The following TLE4 variants were observed in gnomAD, a reference collection of about 807,000 sequenced individuals.
TLE4 encodes transducin-like enhancer protein 4.
Under a neutral mutation model 92.8 loss-of-function variants are expected in TLE4, and 8 were observed. The ratio of observed to expected loss-of-function variants is 0.09; its 90% CI spans 0.05 to 0.16. The LOEUF is 0.16. Among genes scored for constraint, TLE4 ranks in the 10% least tolerant of loss-of-function variants. The probability of loss-of-function intolerance (pLI) is 1.00; values close to 1 mark genes in which losing one functional copy is unlikely to be tolerated. For synonymous variants in TLE4, 371 were observed against 374.1 expected (o/e 0.99, Z 0.10); for missense variants, 675 against 997.6 (o/e 0.68, Z 4.36).
chr9:79,658,908 CTCAGTAA>C (rs2060135220), intron 8 of TLE4, among the ~76,000 whole-genome samples: 1 of 152,158 alleles, frequency 6.6e-6, no homozygotes, highest in Admixed American at 6.5e-5. Context: ...CTGTTTTCCC[CTCAGTAA>C]TCAGCAATCT....
chr9:79,643,718 C>G (rs1286605549), intron 6 of TLE4, among the ~76,000 whole-genome samples: 2 of 152,162 alleles, frequency 1.3e-5, no homozygotes, highest in African/African-American at 4.8e-5. Flanking sequence ...ACTGGTGAAG[C>G]TAGGTGATCC....
At chr9:79,596,007 A>C (rs559835676) in intron 4 of TLE4, among the ~76,000 whole-genome samples, 1 of 151,618 alleles carries the variant, frequency 6.6e-6, no homozygotes, top group Non-Finnish European at 1.5e-5. Flanking sequence ...CCACCACGCC[A>C]TGCTATTTTT....
intron 8 of TLE4, among the ~76,000 whole-genome samples, chr9:79,654,277 A>ATT (rs571830068): frequency 6.9e-6 from 1 of 145,816 alleles, no homozygotes; most frequent in Non-Finnish European, 1.5e-5. Flanking sequence ...TCAGAATCAG[A>ATT]TTTGTTGACC....
At chr9:79,657,193 C>T (rs566018992) in intron 8 of TLE4, among the ~76,000 whole-genome samples, 1 of 152,294 alleles carries the variant, frequency 6.6e-6, no homozygotes, top group African/African-American at 2.4e-5. Context: ...CTTGGCTGTC[C>T]AGTGACTCCA....
At chr9:79,652,245 G>A (rs2059137217) in intron 6 of TLE4, among the ~76,000 whole-genome samples, 1 of 151,620 alleles carries the variant, frequency 6.6e-6, no homozygotes, top group Admixed American at 6.6e-5. Flanking sequence ...GGAGTGCAGT[G>A]GCACGAACTC....
At chr9:79,708,961 A>G (rs1189806226) in intron 13 of TLE4, among the ~76,000 whole-genome samples, 175 bp downstream of exon 13, 1 of 152,122 alleles carries the variant, frequency 6.6e-6, no homozygotes, top group African/African-American at 2.4e-5. Flanking sequence ...CCTCTCAAGT[A>G]GCTCGAAAAA....
intron 4 of TLE4, among the ~76,000 whole-genome samples, chr9:79,583,543 C>G (rs1287173903): frequency 1.3e-5 from 2 of 152,180 alleles, no homozygotes; most frequent in East Asian, 1.9e-4. Context: ...GGCCCTGTTG[C>G]TTGCAGCAAC....
At chr9:79,672,348 T>C (rs2062550233) in intron 8 of TLE4, among the ~76,000 whole-genome samples, 1 of 152,124 alleles carries the variant, frequency 6.6e-6, no homozygotes, top group South Asian at 2.1e-4. Context: ...AGTTTCCCAC[T>C]GTGGGCGGGC....
intron 11 of TLE4, among the ~76,000 whole-genome samples, chr9:79,707,767 A>G (rs2072088132): frequency 6.6e-6 from 1 of 152,180 alleles, no homozygotes; most frequent in African/African-American, 2.4e-5. Flanking sequence ...TGTGACATGA[A>G]CAATCTGCCA....
At chr9:79,644,732 G>T (rs1023061659) in intron 6 of TLE4, among the ~76,000 whole-genome samples, 1 of 152,214 alleles carries the variant, frequency 6.6e-6, no homozygotes, top group Non-Finnish European at 1.5e-5. Flanking sequence ...CCCTGTGCTT[G>T]CTGCTCTATT....
chr9:79,615,390 G>C (rs1281048941), intron 5 of TLE4, among the ~76,000 whole-genome samples: 2 of 152,156 alleles, frequency 1.3e-5, no homozygotes, highest in Admixed American at 6.5e-5. Context: ...ATTTTAAAAT[G>C]TTTTTATTTA....
chr9:79,614,432 ATGT>A (rs1282094702), intron 5 of TLE4, among the ~76,000 whole-genome samples: 3 of 152,080 alleles, frequency 2.0e-5, no homozygotes, highest in Non-Finnish European at 4.4e-5. Flanking sequence ...CACATGAATT[ATGT>A]TGTTTGTGTG....
intron 8 of TLE4, among the ~76,000 whole-genome samples, chr9:79,697,450 G>A (rs2068571512): frequency 6.6e-6 from 1 of 151,930 alleles, no homozygotes; most frequent in South Asian, 2.1e-4. Flanking sequence ...TTTCTTCCTT[G>A]TGTGGCCCAA....
chr9:79,724,868 A>AAAAAT (rs2076220988), intron 19 of TLE4, among the ~76,000 whole-genome samples, 169 bp from the exon 20 acceptor site: 1 of 142,346 alleles, frequency 7.0e-6, no homozygotes, highest in Non-Finnish European at 1.5e-5. Context: ...AAAAAAAAAA[A>AAAAAT]AAAAAAAAAA....
intron 13 of TLE4, among the ~76,000 whole-genome samples, 166 bp from the exon 14 acceptor site, chr9:79,709,457 C>A (rs2072653091): frequency 6.6e-6 from 1 of 152,084 alleles, no homozygotes; most frequent in African/African-American, 2.4e-5. Context: ...ACCATTAAAT[C>A]CTAAACATTG....
rs554749280 is a variant in TLE4, at chr9:79,639,286, T to C, written c.390+11838T>C. ...AAATTCAGGCCATTTTTGGGTATTC[T>C]ATACCTTGCAGAGGAACTATCTTAA... On this transcript the variant is annotated intron_variant, in intron 6 of 19. Transcript: ENST00000376552. Among the ~76,000 whole-genome samples the C allele has an allele frequency of 2.0e-5, 3 of 152,252 alleles. No homozygotes were observed. The East Asian group carries it at 5.8e-4, about 29-fold the overall frequency.
At chr9:79,628,982 T>A (rs903442678) in intron 6 of TLE4, among the ~76,000 whole-genome samples, 3 of 152,024 alleles carry the variant, frequency 2.0e-5, no homozygotes, top group Non-Finnish European at 4.4e-5. Context: ...GTGGATATTT[T>A]TGTTACCAAA....
At chr9:79,704,990 A>G in intron 9 of TLE4, 88 bp downstream of exon 9, 1 of 1,552,116 alleles carries the variant, frequency 6.4e-7, no homozygotes, top group South Asian at 1.2e-5. Context: ...CAGCCAACAC[A>G]GGAACACAGG....
intron 6 of TLE4, among the ~76,000 whole-genome samples, chr9:79,636,206 AGCTGAGAC>A (rs1428142735): frequency 6.6e-6 from 1 of 152,144 alleles, no homozygotes; most frequent in Non-Finnish European, 1.5e-5. Context: ...TATATATAGT[AGCTGAGAC>A]GCTACTCGGG....
Sources: allele counts gnomAD v4.1 joint callset (sites outside exome capture counted in the v4.1 genomes callset), GRCh38; gene constraint gnomAD v4.1.1; transcripts MANE v1.5; gene names NCBI Gene and HGNC (gene_info 2026-07-23, HGNC 2026-07-21).